The following DPP10 variants were observed in gnomAD, a reference collection of about 807,000 sequenced individuals.
DPP10 encodes dipeptidyl peptidase like 10.
Under a neutral mutation model 120.9 loss-of-function variants are expected in DPP10, and 33 were observed. The observed-to-expected ratio is 0.27, with a 90% confidence interval of 0.21 to 0.37. The LOEUF (loss-of-function observed/expected upper bound fraction) is 0.37, where lower values mean the gene tolerates loss of function less well. Among genes scored for constraint, DPP10 ranks in the 10% least tolerant of loss-of-function variants. The pLI is 1.00. For missense variants in DPP10, 816 were observed against 942.8 expected (o/e 0.87, Z 1.76); for synonymous variants, 337 against 326.1 (o/e 1.03, Z -0.36).
chr2:115,369,848 T>C (rs2065295989), intron 3 of DPP10, among the ~76,000 whole-genome samples: 1 of 152,142 alleles, frequency 6.6e-6, no homozygotes, highest in Non-Finnish European at 1.5e-5. Context: ...ATTTATTGGC[T>C]GATTATTCTG....
chr2:115,038,424 C>G (rs369642230), intron 1 of DPP10, among the ~76,000 whole-genome samples: 3 of 151,990 alleles, frequency 2.0e-5, no homozygotes, highest in East Asian at 1.9e-4. Flanking sequence ...GCGCCCGCCA[C>G]CACGCCCGGC....
intron 1 of DPP10, among the ~76,000 whole-genome samples, chr2:114,577,715 C>A (rs1042635163): frequency 6.6e-6 from 1 of 152,082 alleles, no homozygotes; most frequent in African/African-American, 2.4e-5. Context: ...AGTTTGAGAT[C>A]AAGGTGTTAG....
chr2:115,456,971 TAAAAAC>T (rs79989546), intron 3 of DPP10, among the ~76,000 whole-genome samples: 80,935 of 151,358 alleles, frequency 0.53, 23,554 homozygotes, highest in Non-Finnish European at 0.67. Context: ...AGTATAATAA[TAAAAAC>T]AAAAAAGAAA....
At chr2:114,690,071 A>G (rs565927550) in intron 1 of DPP10, among the ~76,000 whole-genome samples, 1 of 152,076 alleles carries the variant, frequency 6.6e-6, no homozygotes, top group South Asian at 2.1e-4. Flanking sequence ...TGCTGTGAAG[A>G]TGCTCTTTAG....
chr2:114,464,683 G>A (rs1045689141), intron 1 of DPP10, among the ~76,000 whole-genome samples: 2 of 151,934 alleles, frequency 1.3e-5, no homozygotes, highest in African/African-American at 4.8e-5. Context: ...AGAGCAAATC[G>A]TATTAATTTC....
At chr2:114,579,774 C>G (rs1690347652) in intron 1 of DPP10, among the ~76,000 whole-genome samples, 1 of 152,106 alleles carries the variant, frequency 6.6e-6, no homozygotes, top group South Asian at 2.1e-4. Context: ...GTTATTTGTT[C>G]CGGAGTCTTT....
chr2:115,254,146 G>A (rs533345148), intron 1 of DPP10, among the ~76,000 whole-genome samples: 1 of 152,294 alleles, frequency 6.6e-6, no homozygotes, highest in Non-Finnish European at 1.5e-5. Flanking sequence ...TAATTTATAA[G>A]GAAAGAGGTT....
intron 3 of DPP10, among the ~76,000 whole-genome samples, chr2:115,482,092 A>T (rs2075467728): frequency 6.6e-6 from 1 of 152,134 alleles, no homozygotes; most frequent in South Asian, 2.1e-4. Flanking sequence ...CAGCCAAAAT[A>T]TATCTAAAGT....
intron 1 of DPP10, among the ~76,000 whole-genome samples, chr2:115,053,665 C>A (rs181289580): frequency 1.6e-3 from 240 of 152,238 alleles, no homozygotes; most frequent in Non-Finnish European, 2.2e-3. Flanking sequence ...TACAAGTTTT[C>A]AATATACATA....
chr2:115,142,872 G>A (rs117989966), intron 1 of DPP10, among the ~76,000 whole-genome samples: 3 of 152,210 alleles, frequency 2.0e-5, no homozygotes, highest in African/African-American at 7.2e-5. Context: ...CTCCCTCTAA[G>A]AGAGGCCTAT....
chr2:114,839,024 AT>A (rs1173904608), intron 1 of DPP10, among the ~76,000 whole-genome samples: 3 of 152,282 alleles, frequency 2.0e-5, no homozygotes, highest in Admixed American at 1.3e-4. Flanking sequence ...GATGCATACT[AT>A]AATGCCTCTT....
Position 114,978,499 on chromosome 2 carries a change from T to C in DPP10, c.61-330740T>C, listed in dbSNP as rs76791247. ...TAGTAGTTGGTGCAATATACTTGTC[T>C]ATAACAACATAGGGATTCTCAAGAA... is the stretch of plus-strand genomic sequence containing the variant. On this transcript the variant is annotated intron_variant, in intron 1 of 25. Coordinates refer to ENST00000410059, the MANE Select transcript of DPP10 (RefSeq NM_020868.6). Among the ~76,000 whole-genome samples the C allele has an allele frequency of 7.9e-5, 12 of 152,266 alleles. No homozygotes were observed. In the East Asian group the frequency reaches 1.7e-3, roughly 22 times the overall value.
chr2:114,792,248 G>A (rs1271531022), intron 1 of DPP10, among the ~76,000 whole-genome samples: 3 of 152,156 alleles, frequency 2.0e-5, no homozygotes, highest in Non-Finnish European at 4.4e-5. Context: ...TGAACTTGAT[G>A]AATATTAGCA....
chr2:114,935,102 C>A (rs984571551), intron 1 of DPP10, among the ~76,000 whole-genome samples: 1 of 152,132 alleles, frequency 6.6e-6, no homozygotes, highest in Non-Finnish European at 1.5e-5. Flanking sequence ...ACTCATGTAA[C>A]CATGTCATTC....
intron 1 of DPP10, among the ~76,000 whole-genome samples, chr2:114,854,110 C>A (rs923580925): frequency 6.6e-6 from 1 of 152,046 alleles, no homozygotes; most frequent in African/African-American, 2.4e-5. Flanking sequence ...AAATTAAGAC[C>A]CAGAGAGGTT....
chr2:115,512,775 C>T (rs2077300691), intron 4 of DPP10, among the ~76,000 whole-genome samples: 1 of 151,906 alleles, frequency 6.6e-6, no homozygotes, highest in Admixed American at 6.6e-5. Context: ...AATTTCAATA[C>T]TTTTCCATTC....
At chr2:115,459,684 A>T (rs1407100409) in intron 3 of DPP10, among the ~76,000 whole-genome samples, 1 of 152,058 alleles carries the variant, frequency 6.6e-6, no homozygotes. Flanking sequence ...GGCCATGTAA[A>T]GATATTGTAA....
intron 11 of DPP10, among the ~76,000 whole-genome samples, chr2:115,761,884 T>C (rs1402214303): frequency 6.6e-6 from 1 of 152,192 alleles, no homozygotes; most frequent in Non-Finnish European, 1.5e-5. Flanking sequence ...ACGTTTATTA[T>C]AGAATCATTT....
intron 1 of DPP10, among the ~76,000 whole-genome samples, chr2:115,088,617 A>T (rs188109713): frequency 3.7e-4 from 56 of 151,614 alleles, no homozygotes; most frequent in African/African-American, 1.2e-3. Flanking sequence ...TGATTTTTTT[A>T]AAATTATCTG....
Sources: allele counts gnomAD v4.1 joint callset (sites outside exome capture counted in the v4.1 genomes callset), GRCh38; gene constraint gnomAD v4.1.1; transcripts MANE v1.5; gene names NCBI Gene and HGNC (gene_info 2026-07-23, HGNC 2026-07-21).